Variants in KCNK2 observed in about 807,000 individuals in gnomAD.
KCNK2 encodes the protein potassium channel subfamily K member 2.
In KCNK2, 21 loss-of-function variants were observed where a neutral mutation model predicts 40.5. That is an observed-to-expected ratio of 0.52 (90% CI 0.37 to 0.75). The LOEUF is 0.75. KCNK2 is among the 30% of genes least tolerant of loss of function. The pLI is 0.00. For missense variants in KCNK2, 399 were observed against 531.6 expected, an observed-to-expected ratio of 0.75 and a Z score of 2.45; for synonymous variants, 191 against 202.2, an observed-to-expected ratio of 0.94 and a Z score of 0.47.
intron 3 of KCNK2, among the ~76,000 whole-genome samples, chr1:215,143,982 A>G (rs185355416): frequency 6.6e-6 from 1 of 152,148 alleles, no homozygotes; most frequent in Non-Finnish European, 1.5e-5. Flanking sequence ...AAAACACTGG[A>G]CTATATCTCT....
intron 1 of KCNK2, among the ~76,000 whole-genome samples, chr1:215,049,633 A>C (rs1657912527): frequency 6.6e-6 from 1 of 152,162 alleles, no homozygotes; most frequent in African/African-American, 2.4e-5. Flanking sequence ...TACATGTTAC[A>C]GTGAGGCACA....
intron 6 of KCNK2, among the ~76,000 whole-genome samples, chr1:215,212,432 A>G (rs748627486): frequency 3.3e-5 from 5 of 152,152 alleles, no homozygotes; most frequent in Non-Finnish European, 5.9e-5. Flanking sequence ...ATTTGATTTG[A>G]AAGGTGAAAT....
intron 6 of KCNK2, among the ~76,000 whole-genome samples, chr1:215,216,826 C>A (rs968982769): frequency 1.4e-4 from 21 of 152,044 alleles, no homozygotes; most frequent in Non-Finnish European, 2.9e-5. Flanking sequence ...ATCAGACTGG[C>A]CGCATTTAAA....
In KCNK2 at chr1:215,083,203, C is replaced by CCCCCCCCCCCCCCG; in HGVS notation, c.-183_-182insCCCCCCCCCCCCCG. Reference sequence around the variant, plus strand: ...TCGTTTCTTCTCACGCTCCCCCCCCCGCCCCCTCCCGCGTCCAGCCCCGCT... The same window carrying CCCCCCCCCCCCCCG: ...TCGTTTCTTCTCACGCTCCCCCCCCCCCCCCCCCCCCCCGGCCCCCTCCCGCGTCCAGCCCCGCT... On this transcript the variant is annotated 5_prime_UTR_variant, in exon 1 of 7. Transcript: ENST00000444842. 1.1e-5 allele frequency: 9 copies of CCCCCCCCCCCCCCG among 804,892 alleles called. No individual in the cohort carries two copies. The highest frequency in any genetic ancestry group is 3.7e-5 in the East Asian group (1 of 26,686). 49.9% of individuals were successfully genotyped at this position (804,892 alleles called of 1,614,324 possible).
intron 2 of KCNK2, among the ~76,000 whole-genome samples, chr1:215,103,321 A>G (rs184058922): frequency 6.6e-5 from 10 of 151,936 alleles, no homozygotes; most frequent in African/African-American, 2.4e-4. Flanking sequence ...TTTGTGGTAG[A>G]GCTCTTTATT....
At chr1:215,195,832 A>G (rs932856739) in intron 6 of KCNK2, among the ~76,000 whole-genome samples, 6 of 152,136 alleles carry the variant, frequency 3.9e-5, no homozygotes, top group African/African-American at 1.4e-4. Context: ...TGAAATGTGT[A>G]TTTCTTGCTT....
intron 1 of KCNK2, among the ~76,000 whole-genome samples, chr1:215,038,097 G>T (rs1657446306): frequency 6.6e-6 from 1 of 151,928 alleles, no homozygotes; most frequent in African/African-American, 2.4e-5. Context: ...AGAAAATTCA[G>T]TCTACCTTTT....
At chr1:215,051,692 T>C (rs376272049) in intron 1 of KCNK2, among the ~76,000 whole-genome samples, 137 of 152,294 alleles carry the variant, frequency 9.0e-4, no homozygotes, top group African/African-American at 3.1e-3. Context: ...TGCAAGGTTC[T>C]GAAATGGGAA....
intron 6 of KCNK2, among the ~76,000 whole-genome samples, chr1:215,201,515 C>G (rs572085078): frequency 6.6e-6 from 1 of 152,270 alleles, no homozygotes; most frequent in South Asian, 2.1e-4. Flanking sequence ...AATAGAAATC[C>G]ATATGAATGG....
At chr1:215,079,854 G>A (rs1659085618), upstream of KCNK2, among the ~76,000 whole-genome samples, 1 of 152,182 alleles carries the variant, frequency 6.6e-6, no homozygotes, top group Non-Finnish European at 1.5e-5. Flanking sequence ...GACTGTGGGA[G>A]GACTGGGTGG....
chr1:215,013,331 T>G (rs1412300626), intron 1 of KCNK2, among the ~76,000 whole-genome samples: 2 of 152,206 alleles, frequency 1.3e-5, no homozygotes, highest in Non-Finnish European at 2.9e-5. Context: ...CCATATTTTC[T>G]TGACTGACAC....
exon 1 of KCNK2, chr1:215,005,860 C>G: frequency 1.1e-5 from 17 of 1,493,246 alleles, no homozygotes; most frequent in Non-Finnish European, 1.6e-5. Context: ...GACAAGAAAC[C>G]TTGGAGGAAG....
At chr1:215,209,484 A>ATAATATAATATATATTATATATATAATAT (rs1558140327) in intron 6 of KCNK2, among the ~76,000 whole-genome samples, 1 of 35,258 alleles carries the variant, frequency 2.8e-5, no homozygotes, top group South Asian at 8.5e-4. Context: ...TATTATATAT[A>ATAATATAATATATATTATATATATAATAT]ATACATATAT....
chr1:215,189,173 A>T (rs1292325411), intron 5 of KCNK2, among the ~76,000 whole-genome samples: 1 of 152,170 alleles, frequency 6.6e-6, no homozygotes, highest in African/African-American at 2.4e-5. Context: ...GTGGGATTTG[A>T]CCCAAATGGT....
intron 1 of KCNK2, among the ~76,000 whole-genome samples, chr1:215,071,020 A>G (rs796622908): frequency 1.8e-4 from 28 of 152,242 alleles, no homozygotes; most frequent in African/African-American, 6.8e-4. Flanking sequence ...CTTCTACTAT[A>G]TGAAGAAACA....
intron 6 of KCNK2, among the ~76,000 whole-genome samples, chr1:215,204,411 ATAAGT>A (rs1178255805): frequency 2.6e-5 from 4 of 152,168 alleles, no homozygotes; most frequent in Non-Finnish European, 4.4e-5. Context: ...TAATAGGAAA[ATAAGT>A]TAATAGTTTC....
chr1:215,026,645 T>C lies in KCNK2; in HGVS notation c.34+20690T>C, dbSNP rs1657011623. ...ATCTGCCATCCCTATATTGTTTTGA[T>C]TTCAGTATCTTTATGGTATATCTGG... On this transcript the variant is annotated intron_variant, in intron 1 of 6. Transcript: ENST00000391895. 7.2e-5 allele frequency among the ~76,000 whole-genome samples: 11 copies of C among 152,214 alleles called. 1 individual carries two copies. In the South Asian group the frequency reaches 2.3e-3, roughly 32 times the overall value.
intron 3 of KCNK2, among the ~76,000 whole-genome samples, chr1:215,155,091 T>A (rs928730064): frequency 3.9e-5 from 6 of 152,204 alleles, no homozygotes; most frequent in African/African-American, 1.4e-4. Flanking sequence ...TATTTGATGA[T>A]TTAATCCATC....
chr1:215,019,111 A>G (rs1220254972), intron 1 of KCNK2, among the ~76,000 whole-genome samples: 1 of 152,210 alleles, frequency 6.6e-6, no homozygotes, highest in Non-Finnish European at 1.5e-5. Flanking sequence ...ACTGTTATCA[A>G]TAACTGGTTT....
Sources: allele counts gnomAD v4.1 joint callset (sites outside exome capture counted in the v4.1 genomes callset), GRCh38; gene constraint gnomAD v4.1.1; transcripts MANE v1.5; gene names NCBI Gene and HGNC (gene_info 2026-07-23, HGNC 2026-07-21).